Variants in TOX observed in about 807,000 individuals in gnomAD.
The protein encoded by TOX is thymocyte selection-associated high mobility group box protein TOX.
A neutral mutation model predicts 53.7 loss-of-function variants in TOX; 11 were observed. The observed-to-expected ratio is 0.20, with a 90% CI of 0.13 to 0.34. TOX has a LOEUF of 0.34. Ranked by LOEUF, TOX falls within the 10% of genes least tolerant of loss-of-function variation. The probability of loss-of-function intolerance (pLI) is 1.00; values close to 1 mark genes in which losing one functional copy is unlikely to be tolerated. For missense variants in TOX, 570 were observed against 664.6 expected, an observed-to-expected ratio of 0.86 and a Z score of 1.56; for synonymous variants, 225 against 245.3, an observed-to-expected ratio of 0.92 and a Z score of 0.77.
chr8:58,894,537 T>C (rs1247100092), intron 3 of TOX, among the ~76,000 whole-genome samples: 1 of 152,260 alleles, frequency 6.6e-6, no homozygotes, highest in Non-Finnish European at 1.5e-5. Flanking sequence ...GGCTCATTGA[T>C]ATTAGCTTGT....
chr8:58,817,522 A>G (rs1167965139), intron 6 of TOX, among the ~76,000 whole-genome samples: 4 of 152,220 alleles, frequency 2.6e-5, no homozygotes, highest in Non-Finnish European at 4.4e-5. Context: ...AACAGTGACT[A>G]CTTCCACATC....
chr8:58,838,806 A>C (rs1016361834), intron 4 of TOX, among the ~76,000 whole-genome samples: 5 of 149,584 alleles, frequency 3.3e-5, no homozygotes, highest in African/African-American at 1.2e-4. Context: ...AGTTCAAGCA[A>C]TTCCCCTGCC....
At chr8:58,823,693 C>G (rs1220684148) in intron 6 of TOX, among the ~76,000 whole-genome samples, 2 of 152,152 alleles carry the variant, frequency 1.3e-5, no homozygotes, top group Non-Finnish European at 2.9e-5. Context: ...TATCATGAAA[C>G]AGTCCACTTG....
intron 3 of TOX, among the ~76,000 whole-genome samples, chr8:58,899,301 G>A (rs1344926879): frequency 6.6e-6 from 1 of 152,206 alleles, no homozygotes; most frequent in Non-Finnish European, 1.5e-5. Flanking sequence ...TAGGAAAAGT[G>A]CTAATAATCA....
At chr8:58,997,654 A>C (rs916401852) in intron 1 of TOX, among the ~76,000 whole-genome samples, 3 of 152,248 alleles carry the variant, frequency 2.0e-5, no homozygotes, top group Non-Finnish European at 2.9e-5. Flanking sequence ...TCTTAAATAA[A>C]GGTTCAGAGT....
chr8:59,087,374 T>C (rs561355408), intron 1 of TOX, among the ~76,000 whole-genome samples: 2 of 152,182 alleles, frequency 1.3e-5, no homozygotes, highest in Non-Finnish European at 2.9e-5. Flanking sequence ...GTTTCACATG[T>C]TTGGAGAAAA....
intron 3 of TOX, among the ~76,000 whole-genome samples, chr8:58,860,380 A>G (rs947188459): frequency 1.3e-5 from 2 of 152,200 alleles, no homozygotes; most frequent in Admixed American, 1.3e-4. Context: ...TCCTAGTGGA[A>G]GAGACAGACA....
In TOX at chr8:58,844,183, C is replaced by T. The variant is rs187320362; in HGVS notation, c.694-5872G>A. Among the ~76,000 whole-genome samples the T allele has an allele frequency of 1.9e-4, 29 of 152,204 alleles. 1 individual carries two copies. The East Asian group carries it at 4.1e-3, about 21-fold the overall frequency. On this transcript the variant is annotated intron_variant, in intron 4 of 8. Transcript: ENST00000361421. ...CACTGTCTCGTAAAATTTTCTAGAA[C>T]GATAGATATGCTCTCTGCCGTGTCT...
At chr8:58,931,330 CA>C (rs113247058) in intron 3 of TOX, among the ~76,000 whole-genome samples, 458 of 137,348 alleles carry the variant, frequency 3.3e-3, no homozygotes, top group African/African-American at 7.3e-3. Flanking sequence ...TCATAAATGT[CA>C]AAAAAAAAAA....
At chr8:59,079,463 A>G (rs1804357898) in intron 1 of TOX, among the ~76,000 whole-genome samples, 1 of 152,150 alleles carries the variant, frequency 6.6e-6, no homozygotes. Context: ...CTTCACATGC[A>G]GGCCACTCCA....
intron 3 of TOX, among the ~76,000 whole-genome samples, chr8:58,902,062 G>A (rs1315878858): frequency 6.6e-6 from 1 of 151,958 alleles, no homozygotes; most frequent in Non-Finnish European, 1.5e-5. Flanking sequence ...TCTTGATTCT[G>A]GTAACATATC....
intron 1 of TOX, among the ~76,000 whole-genome samples, chr8:58,967,710 C>CGAT (rs1258342615): frequency 4.3e-4 from 65 of 152,178 alleles, no homozygotes; most frequent in Admixed American, 1.6e-3. Flanking sequence ...CAGCAACCAG[C>CGAT]GATGAGTTGT....
chr8:58,954,431 G>GT (rs1812678087), intron 2 of TOX, among the ~76,000 whole-genome samples: 1 of 152,182 alleles, frequency 6.6e-6, no homozygotes, highest in South Asian at 2.1e-4. Context: ...CCTCTGATAT[G>GT]TCAGACATTA....
chr8:59,102,795 G>C (rs1169361206), intron 1 of TOX, among the ~76,000 whole-genome samples: 2 of 152,142 alleles, frequency 1.3e-5, no homozygotes, highest in Non-Finnish European at 2.9e-5. Context: ...AGGAAGAGAA[G>C]AAGGGAGGAA....
chr8:58,914,320 C>A (rs1435777694), intron 3 of TOX, among the ~76,000 whole-genome samples: 1 of 152,150 alleles, frequency 6.6e-6, no homozygotes, highest in Non-Finnish European at 1.5e-5. Context: ...CAGCTCAAAT[C>A]TCTGATGCTC....
intron 4 of TOX, among the ~76,000 whole-genome samples, chr8:58,847,989 G>T (rs1347322660): frequency 6.6e-6 from 1 of 151,946 alleles, no homozygotes; most frequent in Non-Finnish European, 1.5e-5. Context: ...TCAGGTGAAA[G>T]AAATATATAT....
In TOX at chr8:58,967,812, T is replaced by C. The variant is rs187313557; in HGVS notation, c.103-7804A>G. On this transcript the variant is annotated intron_variant, in intron 1 of 8. Coordinates refer to ENST00000361421, the MANE Select transcript of TOX (RefSeq NM_014729.3). ...TACTTTCCCCTCACTCTGGTTTCCC[T>C]GGGCTTACATTCCCAGCATTAACAC... Among the ~76,000 whole-genome samples, 40 of 152,354 alleles carry C rather than the reference T, an allele frequency of 2.6e-4. No individual in the cohort carries two copies. In the East Asian group the frequency reaches 7.7e-3, roughly 29 times the overall value.
chr8:58,935,720 C>T (rs558445544), intron 3 of TOX, among the ~76,000 whole-genome samples: 1 of 152,246 alleles, frequency 6.6e-6, no homozygotes, highest in African/African-American at 2.4e-5. Context: ...CAAACCAGTC[C>T]GTAGCTCAGT....
chr8:59,034,757 G>C (rs561364077), intron 1 of TOX, among the ~76,000 whole-genome samples: 1 of 152,242 alleles, frequency 6.6e-6, no homozygotes, highest in East Asian at 1.9e-4. Context: ...GTTAGAGAAA[G>C]AAAAGGCAAT....
Sources: allele counts gnomAD v4.1 joint callset (sites outside exome capture counted in the v4.1 genomes callset), GRCh38; gene constraint gnomAD v4.1.1; transcripts MANE v1.5; gene names NCBI Gene and HGNC (gene_info 2026-07-23, HGNC 2026-07-21).